The following KHDC1 variants were observed in gnomAD, a reference collection of about 807,000 sequenced individuals.
KHDC1 encodes the protein KH domain containing 1.
In KHDC1, 21 loss-of-function variants were observed where a neutral mutation model predicts 24.7. The observed-to-expected ratio is 0.85, with a 90% CI of 0.60 to 1.23. The LOEUF is 1.23. Among genes scored for constraint, KHDC1 ranks in the 50% most tolerant of loss-of-function variants. The pLI, the probability that KHDC1 is intolerant of heterozygous loss-of-function variation, is 0.00. For synonymous variants in KHDC1, 98 were observed against 111.7 expected (o/e 0.88, Z 0.77); for missense variants, 274 against 298.5 (o/e 0.92, Z 0.61).
rs189953466 is a variant in KHDC1, at chr6:73,253,793, G to C, written c.207-11263C>G. On this transcript the variant is annotated intron_variant, in intron 2 of 4. Coordinates refer to ENST00000370384, the Ensembl canonical transcript of KHDC1. ...ATAGTGGTCCATGCCTGTAGTCCCAGCTGCTCAGGAGACTGAGGTGGGAAG... is the reference window on the plus strand; with the variant it reads ...ATAGTGGTCCATGCCTGTAGTCCCACCTGCTCAGGAGACTGAGGTGGGAAG... 4.1e-3 allele frequency among the ~76,000 whole-genome samples: 623 copies of C among 152,124 alleles called. 10 individuals are homozygous for C. Among genetic ancestry groups the C allele is most frequent in the African/African-American group, 0.014 (591 of 41,518 alleles).
chr6:73,263,298 C>T (rs957556864), intron 2 of KHDC1, 102 bp from the exon 1 acceptor site: 13 of 985,244 alleles, frequency 1.3e-5, no homozygotes, highest in African/African-American at 7.0e-5. Context: ...AGCCCACTGC[C>T]GGCGCGCAGA....
chr6:73,279,337 G>A (rs191637518), intron 2 of KHDC1, among the ~76,000 whole-genome samples: 6 of 152,208 alleles, frequency 3.9e-5, no homozygotes, highest in African/African-American at 1.4e-4. Context: ...GAACCTGGGA[G>A]GTGGAGGCTG....
At chr6:73,309,022 A>T (rs1167557534) in intron 1 of KHDC1, among the ~76,000 whole-genome samples, 2 of 151,994 alleles carry the variant, frequency 1.3e-5, no homozygotes, top group Admixed American at 6.6e-5. Flanking sequence ...GATGGGTTTC[A>T]CCATGTTGGC....
chr6:73,302,027 C>T (rs1767886706), intron 1 of KHDC1, among the ~76,000 whole-genome samples: 1 of 152,164 alleles, frequency 6.6e-6, no homozygotes, highest in Non-Finnish European at 1.5e-5. Flanking sequence ...CAGTGGCTCA[C>T]ACCTGTAATT....
chr6:73,253,592 G>C (rs1377441709), intron 2 of KHDC1, among the ~76,000 whole-genome samples: 1 of 150,974 alleles, frequency 6.6e-6, no homozygotes, highest in Admixed American at 6.6e-5. Context: ...AAATAAACAG[G>C]TTAACCTATT....
intron 2 of KHDC1, among the ~76,000 whole-genome samples, chr6:73,285,281 G>A (rs1302952138): frequency 6.6e-6 from 1 of 151,722 alleles, no homozygotes; most frequent in East Asian, 1.9e-4. Context: ...GAGACCGCAG[G>A]TTGACTCTGC....
chr6:73,243,428 T>C (rs1161686989), intron 2 of KHDC1, among the ~76,000 whole-genome samples: 11 of 152,346 alleles, frequency 7.2e-5, no homozygotes, highest in African/African-American at 2.4e-4. Context: ...ATCTACACCA[T>C]TGTCAGAATC....
intron 1 of KHDC1, chr6:73,293,398 G>A (rs1485217243): frequency 5.4e-6 from 2 of 370,316 alleles, no homozygotes; most frequent in Non-Finnish European, 1.0e-5. Context: ...TGAAGAATTG[G>A]AATAAAATTG....
intron 2 of KHDC1, among the ~76,000 whole-genome samples, chr6:73,279,372 C>G (rs1767361156): frequency 6.6e-6 from 1 of 151,998 alleles, no homozygotes; most frequent in Non-Finnish European, 1.5e-5. Context: ...CGCGCTCCAG[C>G]CTAGGTGACA....
Position 73,272,691 on chromosome 6 carries a change from G to A in KHDC1, c.206+19307C>T, listed in dbSNP as rs878882764. Among the ~76,000 whole-genome samples, 8 of 150,580 alleles carry A rather than the reference G, an allele frequency of 5.3e-5. No homozygotes were observed. In the East Asian group the frequency reaches 6.3e-4, roughly 12 times the overall value. ...CTCAGGAGGCTAAGGCAGGAGAATC[G>A]CTTGAACCCAGAAGGCAGAGGTTGC... On this transcript the variant is annotated intron_variant, in intron 2 of 4. Transcript: ENST00000370384.
chr6:73,263,599 G>A, intron 2 of KHDC1, among the ~76,000 whole-genome samples: 1 of 58,468 alleles, frequency 1.7e-5, no homozygotes, highest in Admixed American at 2.1e-4. Context: ...TGCCTGGGGA[G>A]GGGTGTCGCG....
intron 1 of KHDC1, among the ~76,000 whole-genome samples, chr6:73,308,724 G>T (rs1768021076): frequency 4.0e-5 from 6 of 151,418 alleles, no homozygotes; most frequent in South Asian, 4.2e-4. Flanking sequence ...GTGACTTCTG[G>T]GCTCAAGCGA....
chr6:73,298,597 G>A (rs1219808085), intron 1 of KHDC1, among the ~76,000 whole-genome samples: 1 of 151,268 alleles, frequency 6.6e-6, no homozygotes, highest in African/African-American at 2.4e-5. Context: ...CACCACACTC[G>A]GCTAATTTTT....
At chr6:73,264,502 G>A (rs959342906) in intron 2 of KHDC1, among the ~76,000 whole-genome samples, 9 of 152,180 alleles carry the variant, frequency 5.9e-5, no homozygotes, top group African/African-American at 1.2e-4. Flanking sequence ...GATGAAGAAC[G>A]CCTGTAGGAA....
intron 2 of KHDC1, among the ~76,000 whole-genome samples, chr6:73,258,655 A>T (rs1766925307): frequency 6.6e-6 from 1 of 152,202 alleles, no homozygotes; most frequent in African/African-American, 2.4e-5. Context: ...TCCAAGGGCC[A>T]AAGGCGGAAG....
chr6:73,293,010 C>T (rs1051672236), intron 1 of KHDC1: 4 of 1,010,018 alleles, frequency 4.0e-6, no homozygotes, highest in Non-Finnish European at 6.2e-6. Flanking sequence ...AACATGTTGG[C>T]AGACAAATTG....
intron 2 of KHDC1, among the ~76,000 whole-genome samples, chr6:73,271,633 C>T (rs1053976626): frequency 4.6e-5 from 7 of 151,694 alleles, no homozygotes; most frequent in African/African-American, 1.2e-4. Context: ...GTGGCTCACA[C>T]CTGTAATCTC....
At chr6:73,290,680 G>T in intron 2 of KHDC1, 1 of 461,922 alleles carries the variant, frequency 2.2e-6, no homozygotes, top group South Asian at 1.7e-5. Flanking sequence ...GAAGTTTGCT[G>T]CTGCTGCTGG....
intron 1 of KHDC1, among the ~76,000 whole-genome samples, chr6:73,305,907 C>T (rs1206267680): frequency 2.6e-5 from 4 of 152,156 alleles, no homozygotes; most frequent in Non-Finnish European, 5.9e-5. Flanking sequence ...GATCTGCCCA[C>T]CTTGGCCTCC....
Sources: allele counts gnomAD v4.1 joint callset (sites outside exome capture counted in the v4.1 genomes callset), GRCh38; gene constraint gnomAD v4.1.1; transcripts MANE v1.5; gene names NCBI Gene and HGNC (gene_info 2026-07-23, HGNC 2026-07-21).